The following LGALS16 variants were observed in gnomAD, a reference collection of about 807,000 sequenced individuals.
LGALS16 encodes galectin-16.
Under a neutral mutation model 13.2 loss-of-function variants are expected in LGALS16, and 15 were observed. The ratio of observed to expected loss-of-function variants is 1.13; its 90% CI spans 0.76 to 1.75. The LOEUF (loss-of-function observed/expected upper bound fraction) is 1.75. Among genes scored for constraint, LGALS16 ranks in the 40% most tolerant of loss-of-function variants. LGALS16 has a pLI of 0.00. For missense variants in LGALS16, 198 were observed against 178.4 expected (o/e 1.11, Z -0.63); for synonymous variants, 66 against 65.4 (o/e 1.01, Z -0.05).
chr19:39,656,594 G>A (rs931631990), intron 1 of LGALS16, among the ~76,000 whole-genome samples: 4 of 152,138 alleles, frequency 2.6e-5, no homozygotes, highest in African/African-American at 4.8e-5. Flanking sequence ...AGGGATCTTG[G>A]AGATTGTGAG....
chr19:39,660,540 G>A lies in LGALS16; in HGVS notation c.*20G>A. ...AGATGATCACACTCCTCATTGTTGAGGAAACCCTCTTTCTACCTGACCATG... is the reference window on the plus strand; with the variant it reads ...AGATGATCACACTCCTCATTGTTGAAGAAACCCTCTTTCTACCTGACCATG... On this transcript the variant is annotated 3_prime_UTR_variant, in exon 4 of 4. Transcript: ENST00000392051. 1 of 1,549,262 alleles carries A rather than the reference G, an allele frequency of 6.5e-7. No homozygotes were observed. Among genetic ancestry groups the A allele is most frequent in the Non-Finnish European group, 8.7e-7 (1 of 1,152,382 alleles).
At chr19:39,659,254 T>C (rs1973233552) in intron 3 of LGALS16, among the ~76,000 whole-genome samples, 1 of 152,068 alleles carries the variant, frequency 6.6e-6, no homozygotes, top group South Asian at 2.1e-4. Flanking sequence ...CTGATTTTTT[T>C]ATTTTTAGTA....
At chr19:39,658,049 G>T in intron 2 of LGALS16, 90 bp downstream of exon 2, 1 of 1,493,478 alleles carries the variant, frequency 6.7e-7, no homozygotes, top group Non-Finnish European at 9.2e-7. Context: ...ATGTGGAAAT[G>T]TCTAATTGGC....
In LGALS16 at chr19:39,658,595, G is replaced by A. The variant is rs1040949496; in HGVS notation, c.228G>A (p.Glu76=). ...SREFGIWMLE[E]NLHYVPFEDG... Reference sequence around the variant, plus strand: ...AGTTTGGGATATGGATGTTGGAGGAGAATTTACACTATGTGCCCTTTGAGG... The same window carrying A: ...AGTTTGGGATATGGATGTTGGAGGAAAATTTACACTATGTGCCCTTTGAGG... The change falls in exon 3 of 4, where the codon GAG becomes GAA. Residue 76 remains glutamate, a synonymous_variant. Coordinates refer to ENST00000392051, the MANE Select transcript of LGALS16 (RefSeq NM_001190441.3). 32 of 1,607,262 alleles carry A rather than the reference G, an allele frequency of 2.0e-5. No homozygotes were observed. In the Middle Eastern group the frequency reaches 4.4e-3, roughly 223 times the overall value.
intron 1 of LGALS16, among the ~76,000 whole-genome samples, chr19:39,657,546 G>T (rs1482689435): frequency 6.6e-6 from 1 of 152,102 alleles, no homozygotes; most frequent in Non-Finnish European, 1.5e-5. Flanking sequence ...TGTATTAACT[G>T]CTCTATTATG....
chr19:39,659,052 T>C (rs1973230625), intron 3 of LGALS16, among the ~76,000 whole-genome samples: 1 of 152,026 alleles, frequency 6.6e-6, no homozygotes, highest in African/African-American at 2.4e-5. Flanking sequence ...ATTCTACTCA[T>C]ACGAATAACA....
chr19:39,658,412 C>T, intron 2 of LGALS16, 48 bp from the exon 3 acceptor site: 2 of 1,434,190 alleles, frequency 1.4e-6, no homozygotes, highest in East Asian at 2.4e-5. Context: ...AAGTGTGTGT[C>T]TGTGCAATGA....
chr19:39,659,126 G>C (rs1221190079), intron 3 of LGALS16, among the ~76,000 whole-genome samples: 3 of 144,434 alleles, frequency 2.1e-5, no homozygotes, highest in African/African-American at 7.8e-5. Flanking sequence ...TTGAGACAGA[G>C]ACTCACTTTG....
intron 1 of LGALS16, 148 bp downstream of exon 1, chr19:39,656,124 T>G: frequency 1.2e-6 from 1 of 817,046 alleles, no homozygotes; most frequent in Non-Finnish European, 2.0e-6. Context: ...ACACTGAGGC[T>G]GGGTATCTGA....
chr19:39,657,813 G>A (rs1433462804), intron 1 of LGALS16, 70 bp from the exon 2 acceptor site: 1 of 1,532,534 alleles, frequency 6.5e-7, no homozygotes, highest in Non-Finnish European at 9.0e-7. Context: ...CCTGCACCAT[G>A]GGAATATGTT....
In LGALS16 at chr19:39,660,642, A is replaced by G; in HGVS notation, c.*122A>G. On this transcript the variant is annotated 3_prime_UTR_variant, in exon 4 of 4. Coordinates refer to ENST00000392051, the MANE Select transcript of LGALS16 (RefSeq NM_001190441.3). ...CACTTGGTCATTAAAACAGCACCAA[A>G]CCGTACATGATTTGGTTCTTGCTTT... The G allele has an allele frequency of 1.2e-6, 1 of 820,410 alleles. No individual in the cohort carries two copies. The highest frequency in any genetic ancestry group is 1.9e-6 in the Non-Finnish European group (1 of 530,698). The allele number at this position is 820,410 out of a possible 1,614,324, so 50.8% of individuals were successfully genotyped here.
intron 1 of LGALS16, 23 bp downstream of exon 1, chr19:39,655,999 T>C: frequency 6.2e-7 from 1 of 1,611,896 alleles, no homozygotes; most frequent in Non-Finnish European, 8.5e-7. Context: ...GGCACAGCCT[T>C]CAATAATCTC....
Position 39,660,424 on chromosome 19 carries a change from C to T in LGALS16, c.333C>T (p.Ala111=). 2 of 1,540,692 alleles carry T rather than the reference C, an allele frequency of 1.3e-6. No homozygotes were observed. Among genetic ancestry groups the T allele is most frequent in the African/African-American group, 2.7e-5 (2 of 73,252 alleles). The change falls in exon 4 of 4, where the codon GCC becomes GCT. Residue 111 remains alanine, a synonymous_variant. Coordinates refer to ENST00000392051, the MANE Select transcript of LGALS16 (RefSeq NM_001190441.3). ...AGGTAAATGGTGAATACATTTATGCCTTTGTCCATCGAATCCCGCCATCAT... is the reference window on the plus strand; with the variant it reads ...AGGTAAATGGTGAATACATTTATGCTTTTGTCCATCGAATCCCGCCATCAT... ...EVKVNGEYIY[A]FVHRIPPSYV...
At position 39,660,561 on chromosome 19, in the gene LGALS16, C is replaced by T. The variant is rs896285419; in HGVS notation, c.*41C>T. On this transcript the variant is annotated 3_prime_UTR_variant, in exon 4 of 4. Transcript: ENST00000392051. ...TTGAGGAAACCCTCTTTCTACCTGA[C>T]CATGGGATTCCTAGAGCCTGCTAAC... 11 of 1,526,624 alleles carry T rather than the reference C, an allele frequency of 7.2e-6. No homozygotes were observed. In the Admixed American group the frequency reaches 1.3e-4, roughly 19 times the overall value. 94.6% of individuals were successfully genotyped at this position (1,526,624 alleles called of 1,614,324 possible). A position where few individuals can be genotyped will look rare whatever the true frequency, so the allele number is the denominator to read the frequency against.
intron 1 of LGALS16, 50 bp downstream of exon 1, chr19:39,656,026 A>G (rs1347328526): frequency 6.3e-7 from 1 of 1,591,402 alleles, no homozygotes; most frequent in South Asian, 1.1e-5. Flanking sequence ...CACAAAACCA[A>G]GAAAGATGTG....
intron 1 of LGALS16, among the ~76,000 whole-genome samples, chr19:39,656,274 G>A (rs1054209389): frequency 2.6e-5 from 4 of 152,164 alleles, no homozygotes; most frequent in Non-Finnish European, 5.9e-5. Context: ...TCAAGCAGGT[G>A]TTTGTGTGAG....
chr19:39,657,090 C>G (rs1404779677), intron 1 of LGALS16, among the ~76,000 whole-genome samples: 6 of 152,020 alleles, frequency 3.9e-5, no homozygotes, highest in Non-Finnish European at 8.8e-5. Flanking sequence ...TAGTGAGACC[C>G]TTTCTTTAAA....
In LGALS16 at chr19:39,658,686, G is replaced by A. The variant is rs1177527219; in HGVS notation, c.303+16G>A. ...TGAGTATGAGGTGAGCACCCCAGGA[G>A]CTCGCAGTACCCAGGCTCTTTGGGA... On this transcript the variant is annotated intron_variant, in intron 3 of 3. Coordinates refer to ENST00000392051, the MANE Select transcript of LGALS16 (RefSeq NM_001190441.3). 1 of 1,513,950 alleles carries A rather than the reference G, an allele frequency of 6.6e-7. No individual in the cohort carries two copies. Among genetic ancestry groups the A allele is most frequent in the Non-Finnish European group, 8.9e-7 (1 of 1,117,388 alleles). 93.8% of individuals were successfully genotyped at this position (1,513,950 alleles called of 1,614,324 possible). A position where few individuals can be genotyped will look rare whatever the true frequency, so the allele number is the denominator to read the frequency against.
chr19:39,659,003 C>T (rs969416644), intron 3 of LGALS16, among the ~76,000 whole-genome samples: 1 of 152,038 alleles, frequency 6.6e-6, no homozygotes, highest in African/African-American at 2.4e-5. Context: ...TTTTTTCTAT[C>T]AATCAAAAAT....
Sources: allele counts gnomAD v4.1 joint callset (sites outside exome capture counted in the v4.1 genomes callset), GRCh38; gene constraint gnomAD v4.1.1; transcripts MANE v1.5; gene names NCBI Gene and HGNC (gene_info 2026-07-23, HGNC 2026-07-21).